HMGXB4: variants seen among roughly 807,000 people sequenced by gnomAD.
HMGXB4 encodes HMG domain-containing protein 4.
HMGXB4 carries 27 observed loss-of-function variants against 63.9 expected under a neutral mutation model. That is an observed-to-expected ratio of 0.42 (90% CI 0.31 to 0.58). The LOEUF is 0.58. Ranked by LOEUF, HMGXB4 falls within the 20% of genes least tolerant of loss-of-function variation. The pLI is 0.13. For missense variants in HMGXB4, 624 were observed against 700.7 expected, an observed-to-expected ratio of 0.89 and a Z score of 1.24; for synonymous variants, 264 against 265.3, an observed-to-expected ratio of 0.99 and a Z score of 0.05.
chr22:35,264,112 T>TC lies in HMGXB4; in HGVS notation c.259+244dup, dbSNP rs1265967559. On this transcript the variant is annotated intron_variant, in intron 4 of 10. Transcript: ENST00000216106. ...GATACACCAGGTACCAGGTTCCTTC[T>TC]CCCCCCAATCATCCACTTATCTTGT... is the stretch of plus-strand genomic sequence containing the variant. 5 of 1,446,722 alleles carry TC rather than the reference T, an allele frequency of 3.5e-6. No homozygotes were observed. The Admixed American group carries it at 6.0e-5, about 17-fold the overall frequency. 89.6% of individuals were successfully genotyped at this position (1,446,722 alleles called of 1,614,324 possible). A position where few individuals can be genotyped will look rare whatever the true frequency, so the allele number is the denominator to read the frequency against.
In HMGXB4 at chr22:35,265,296, A is replaced by G; in HGVS notation, c.908A>G (p.Glu303Gly). 6.2e-7 allele frequency: 1 copy of G among 1,614,084 alleles called. No individual in the cohort carries two copies. Among genetic ancestry groups the G allele is most frequent in the Non-Finnish European group, 8.5e-7 (1 of 1,180,008 alleles). Reference sequence around the variant, plus strand: ...GACTCATCCTCTGGTGGGGAACTAGAGGCTGGGGAGTTAGTGATAGATGAT... The same window carrying G: ...GACTCATCCTCTGGTGGGGAACTAGGGGCTGGGGAGTTAGTGATAGATGAT... ...ESDSSSGGELEAGELVIDDSY... is the reference protein window; with the variant it reads ...ESDSSSGGELGAGELVIDDSY... The change falls in exon 5 of 11, where the codon GAG becomes GGG. Residue 303 changes from glutamate (E) to glycine (G), a missense_variant. Glu to Gly is a moderately conservative substitution (Grantham distance 98). Coordinates refer to ENST00000216106, the MANE Select transcript of HMGXB4 (RefSeq NM_001003681.3).
intron 9 of HMGXB4, among the ~76,000 whole-genome samples, chr22:35,290,078 T>A (rs1261173323): frequency 6.6e-6 from 1 of 152,226 alleles, no homozygotes; most frequent in Non-Finnish European, 1.5e-5. Context: ...CACCTTCATA[T>A]AGGCTCGATA....
intron 9 of HMGXB4, 139 bp from the exon 10 acceptor site, chr22:35,292,853 A>T: frequency 1.0e-6 from 1 of 968,626 alleles, no homozygotes; most frequent in Non-Finnish European, 1.5e-6. Flanking sequence ...AGAGTTATCA[A>T]AGTAAACTTT....
At chr22:35,267,430 A>T (rs1162283535) in intron 5 of HMGXB4, among the ~76,000 whole-genome samples, 1 of 152,218 alleles carries the variant, frequency 6.6e-6, no homozygotes, top group African/African-American at 2.4e-5. Context: ...ATGTCGGAGC[A>T]CAGGGTCAGG....
chr22:35,263,965 A>G (rs773014516), intron 4 of HMGXB4, 91 bp downstream of exon 4: 28 of 1,586,288 alleles, frequency 1.8e-5, no homozygotes, highest in Non-Finnish European at 2.2e-5. Context: ...TTGCTGACTC[A>G]GTGGCCTATT....
At chr22:35,248,484 G>A in the HMGXB4 span, among the ~76,000 whole-genome samples, 2 of 144,542 alleles carry the variant, frequency 1.4e-5, no homozygotes, top group African/African-American at 2.6e-5. Flanking sequence ...ACAGCTCACC[G>A]TAGTCTACAC....
chr22:35,257,657 T>A (rs891929434), intron 1 of HMGXB4, 100 bp downstream of exon 1: 1 of 152,492 alleles, frequency 6.6e-6, no homozygotes, highest in African/African-American at 2.4e-5. Context: ...GCCCGCGACA[T>A]CACCTCTGGG....
At chr22:35,243,486 A>G in the HMGXB4 span, among the ~76,000 whole-genome samples, 9 of 152,190 alleles carry the variant, frequency 5.9e-5, no homozygotes, top group South Asian at 1.9e-3. Context: ...AAGTAAATGA[A>G]CTGTCACAGA....
At chr22:35,247,716 C>G in the HMGXB4 span, among the ~76,000 whole-genome samples, 1 of 152,100 alleles carries the variant, frequency 6.6e-6, no homozygotes, top group Admixed American at 6.5e-5. Flanking sequence ...GTCTGAAAAC[C>G]ATTTTAGACT....
At chr22:35,267,175 T>TATTTTATATATATTATATA (rs1923315895) in intron 5 of HMGXB4, among the ~76,000 whole-genome samples, 1 of 146,956 alleles carries the variant, frequency 6.8e-6, no homozygotes, top group Non-Finnish European at 1.5e-5. Context: ...AATAATATAT[T>TATTTTATATATATTATATA]ATATATATAT....
At chr22:35,260,256 C>T (rs1922762066) in intron 1 of HMGXB4, among the ~76,000 whole-genome samples, 1 of 152,174 alleles carries the variant, frequency 6.6e-6, no homozygotes, top group African/African-American at 2.4e-5. Flanking sequence ...AAAATTCATG[C>T]ACAGAAAGTG....
In HMGXB4 at chr22:35,265,585, G is replaced by C. The variant is rs1923186367; in HGVS notation, c.1197G>C (p.Glu399Asp). ...AGAAAAAAGAAGAGAAGGACAAAGA[G>C]AGAGAGAGAGGAGAAAAGGTAAAGC... is the stretch of plus-strand genomic sequence containing the variant. ...KKKKKEEKDK[E>D]RERGEKPKKK... Residue 399 changes from glutamate (E) to aspartate (D), a missense_variant, in exon 5 of 11, where the codon GAG (glutamate) becomes GAC (aspartate). Physicochemically the swap from Glu to Asp is conservative, Grantham distance 45. This residue lies in a region of HMGXB4 where 472 missense variants were observed against 470.6 expected (regional missense o/e 1.00). Coordinates refer to ENST00000216106, the MANE Select transcript of HMGXB4 (RefSeq NM_001003681.3). 1 of 1,583,544 alleles carries C rather than the reference G, an allele frequency of 6.3e-7. No individual in the cohort carries two copies. Among genetic ancestry groups the C allele is most frequent in the South Asian group, 1.2e-5 (1 of 86,644 alleles).
chr22:35,260,102 CAAAGGGA>C (rs1922748494), intron 1 of HMGXB4, among the ~76,000 whole-genome samples: 1 of 152,138 alleles, frequency 6.6e-6, no homozygotes, highest in Admixed American at 6.5e-5. Context: ...TTGATGTTAC[CAAAGGGA>C]AGGCCTGTTA....
the HMGXB4 span, among the ~76,000 whole-genome samples, chr22:35,251,930 G>T: frequency 6.6e-5 from 10 of 152,266 alleles, no homozygotes; most frequent in African/African-American, 2.2e-4. Flanking sequence ...GGTAGTTTTG[G>T]TCAGGTGCGG....
the HMGXB4 span, among the ~76,000 whole-genome samples, chr22:35,246,402 G>A: frequency 2.1e-5 from 3 of 139,764 alleles, no homozygotes; most frequent in South Asian, 7.5e-4. Context: ...AGCCTCCTGA[G>A]TAGCTGGCAC....
intron 6 of HMGXB4, 64 bp from the exon 7 acceptor site, chr22:35,285,933 C>G: frequency 8.0e-7 from 1 of 1,246,522 alleles, no homozygotes; most frequent in South Asian, 1.4e-5. Flanking sequence ...TTGCTTTCAC[C>G]AATCTTCTAT....
intron 5 of HMGXB4, among the ~76,000 whole-genome samples, chr22:35,278,855 G>A: frequency 7.2e-6 from 1 of 138,094 alleles, no homozygotes. Flanking sequence ...CACTGTGGCA[G>A]CATAGCAAGA....
Position 35,264,885 on chromosome 22 carries a change from C to T in HMGXB4, c.497C>T (p.Ser166Phe), listed in dbSNP as rs534928094. The T allele has an allele frequency of 8.1e-6, 13 of 1,614,014 alleles. No homozygotes were observed. The South Asian group carries it at 1.4e-4, about 18-fold the overall frequency. Reference protein sequence around the residue: ...SGELPLEDGGSHKSKKMKPLY... With the variant: ...SGELPLEDGGFHKSKKMKPLY... ...GAACTACCCCTAGAGGATGGTGGCTCCCACAAATCGAAAAAAATGAAACCT... is the reference window on the plus strand; with the variant it reads ...GAACTACCCCTAGAGGATGGTGGCTTCCACAAATCGAAAAAAATGAAACCT... The change falls in exon 5 of 11, where the codon TCC (serine) becomes TTC (phenylalanine). Residue 166 changes from serine to phenylalanine, a missense_variant. Coordinates refer to ENST00000216106, the MANE Select transcript of HMGXB4 (RefSeq NM_001003681.3).
Position 35,263,869 on chromosome 22 carries a change from A to T in HMGXB4, c.254A>T (p.Tyr85Phe). Residue 85 changes from tyrosine (Y) to phenylalanine (F), a missense_variant, in exon 4 of 11, where the codon TAT becomes TTT. Tyr to Phe is a conservative substitution (Grantham distance 22). Around this residue, in one of 2 missense-constraint regions of HMGXB4, gnomAD observed 472 missense variants for 470.6 expected, o/e 1.00. Coordinates refer to ENST00000216106, the MANE Select transcript of HMGXB4 (RefSeq NM_001003681.3). ...KRKHSSDDYY[Y>F]GDISSLESSQ... Reference sequence around the variant, plus strand: ...AAGCACTCCTCTGATGATTACTACTATGGAGGTGAGGATGGGAATGGGCAA... The same window carrying T: ...AAGCACTCCTCTGATGATTACTACTTTGGAGGTGAGGATGGGAATGGGCAA... 6.2e-7 allele frequency: 1 copy of T among 1,613,028 alleles called. No homozygotes were observed. The highest frequency in any genetic ancestry group is 1.1e-5 in the South Asian group (1 of 91,054).
Sources: allele counts gnomAD v4.1 joint callset (sites outside exome capture counted in the v4.1 genomes callset), GRCh38; gene constraint gnomAD v4.1.1; regional missense constraint gnomAD v4.1.1; transcripts MANE v1.5; gene names NCBI Gene and HGNC (gene_info 2026-07-23, HGNC 2026-07-21).